The following ZNF892 variants were observed in gnomAD, a reference collection of about 807,000 sequenced individuals.
ZNF892 encodes the protein zinc finger protein 892.
the ZNF892 span, among the ~76,000 whole-genome samples, chr2:95,224,534 G>T: frequency 6.6e-6 from 1 of 152,092 alleles, no homozygotes; most frequent in Non-Finnish European, 1.5e-5. Context: ...GAGCAGGAGA[G>T]GGGGAAAGGT....
chr2:95,239,144 GAAAA>G, the ZNF892 span, among the ~76,000 whole-genome samples: 1 of 126,076 alleles, frequency 7.9e-6, no homozygotes. Flanking sequence ...CGTCTCAAAG[GAAAA>G]AAAAAAAAAA....
chr2:95,252,301 G>A, the ZNF892 span, among the ~76,000 whole-genome samples: 3 of 138,630 alleles, frequency 2.2e-5, no homozygotes, highest in African/African-American at 8.2e-5. Flanking sequence ...TGTTCTCATT[G>A]TTCAATTCCC....
At chr2:95,238,108 T>G in the ZNF892 span, among the ~76,000 whole-genome samples, 1 of 152,364 alleles carries the variant, frequency 6.6e-6, no homozygotes, top group African/African-American at 2.4e-5. Flanking sequence ...ACAACAGATT[T>G]GCAATGTAGA....
the ZNF892 span, among the ~76,000 whole-genome samples, chr2:95,230,558 G>T: frequency 6.6e-6 from 1 of 152,020 alleles, no homozygotes; most frequent in East Asian, 1.9e-4. Context: ...AAGTCCTCTG[G>T]TAGCTGTCTG....
chr2:95,233,231 ACT>A, the ZNF892 span, among the ~76,000 whole-genome samples: 2 of 147,064 alleles, frequency 1.4e-5, no homozygotes, highest in Non-Finnish European at 3.0e-5. Flanking sequence ...GCAGATTCTC[ACT>A]CTGTCGCCCA....
chr2:95,250,714 A>C, the ZNF892 span, among the ~76,000 whole-genome samples: 70 of 143,224 alleles, frequency 4.9e-4, no homozygotes, highest in Middle Eastern at 5.5e-3. Flanking sequence ...TAAATATAAA[A>C]TATTCATAAA....
At chr2:95,261,871 G>A in the ZNF892 span, among the ~76,000 whole-genome samples, 13 of 152,316 alleles carry the variant, frequency 8.5e-5, no homozygotes, top group South Asian at 2.3e-3. Flanking sequence ...AAGTTCCAGG[G>A]CCAAGGCTGG....
chr2:95,208,846 C>A, the ZNF892 span: 1 of 396,426 alleles, frequency 2.5e-6, no homozygotes, highest in South Asian at 1.4e-4. Context: ...CTGGGTTCAT[C>A]CTGATAAACT....
the ZNF892 span, chr2:95,214,508 T>C: frequency 2.5e-6 from 1 of 398,438 alleles, no homozygotes; most frequent in Non-Finnish European, 4.4e-6. Flanking sequence ...TACAAGAGGC[T>C]GTCACTGAGA....
chr2:95,211,607 T>C, the ZNF892 span: 6 of 398,460 alleles, frequency 1.5e-5, no homozygotes, highest in Admixed American at 8.8e-5. Context: ...CCAATGTGTT[T>C]GGTTTTTCAG....
chr2:95,246,490 A>G, the ZNF892 span, among the ~76,000 whole-genome samples: 544 of 152,330 alleles, frequency 3.6e-3, 3 homozygotes, highest in Non-Finnish European at 6.5e-3. Context: ...TCTATTCAAC[A>G]TAGTATTGGA....
chr2:95,230,943 A>G, the ZNF892 span, among the ~76,000 whole-genome samples: 15 of 152,194 alleles, frequency 9.9e-5, no homozygotes, highest in African/African-American at 3.1e-4. Flanking sequence ...CTTATGTACA[A>G]TTGGACCCCT....
the ZNF892 span, chr2:95,215,214 T>C: frequency 4.4e-6 from 2 of 457,510 alleles, no homozygotes; most frequent in Non-Finnish European, 7.8e-6. Flanking sequence ...GTGTAACGAA[T>C]GTGGGAAAGC....
chr2:95,207,863 G>A, the ZNF892 span: 5 of 398,614 alleles, frequency 1.3e-5, no homozygotes, highest in Non-Finnish European at 2.2e-5. Context: ...TGCGGCCTTG[G>A]TGCCCGCTGC....
the ZNF892 span, among the ~76,000 whole-genome samples, chr2:95,222,773 TAATG>T: frequency 6.6e-6 from 1 of 152,234 alleles, no homozygotes; most frequent in East Asian, 1.9e-4. Flanking sequence ...TTTTAAATGT[TAATG>T]AAGTCCAGTT....
chr2:95,239,087 C>T, the ZNF892 span, among the ~76,000 whole-genome samples: 2 of 146,384 alleles, frequency 1.4e-5, no homozygotes, highest in African/African-American at 2.5e-5. Flanking sequence ...TGCAGTGAGC[C>T]GAGATCACAC....
At chr2:95,249,236 T>A in the ZNF892 span, among the ~76,000 whole-genome samples, 2,201 of 94,674 alleles carry the variant, frequency 0.023, 8 homozygotes, top group African/African-American at 0.078. Context: ...TATATATTTT[T>A]TTTTTTTTTT....
At chr2:95,210,147 ATGTATATATG>A in the ZNF892 span, among the ~76,000 whole-genome samples, 3 of 148,922 alleles carry the variant, frequency 2.0e-5, no homozygotes, top group East Asian at 1.9e-4. Flanking sequence ...ACATGTATAT[ATGTATATATG>A]TGTATATATG....
At chr2:95,242,042 TAGAG>T in the ZNF892 span, among the ~76,000 whole-genome samples, 12 of 152,048 alleles carry the variant, frequency 7.9e-5, no homozygotes, top group South Asian at 2.1e-4. Context: ...CTGAAAGAGA[TAGAG>T]AGAATGGAAC....
Sources: allele counts gnomAD v4.1 joint callset (sites outside exome capture counted in the v4.1 genomes callset), GRCh38; gene constraint gnomAD v4.1.1; transcripts MANE v1.5; gene names NCBI Gene and HGNC (gene_info 2026-07-23, HGNC 2026-07-21).